DOCK1: variants seen among roughly 807,000 people sequenced by gnomAD.
The protein encoded by DOCK1 is dedicator of cytokinesis protein 1.
In DOCK1, 138 loss-of-function variants were observed where a neutral mutation model predicts 262.7. That is an observed-to-expected ratio of 0.53 (90% CI 0.46 to 0.61). The LOEUF is 0.61. DOCK1 is among the 20% of genes least tolerant of loss of function. The pLI, the probability that DOCK1 is intolerant of heterozygous loss-of-function variation, is 0.00. For missense variants in DOCK1, 1,908 were observed against 2,370.7 expected (o/e 0.80, Z 4.05); for synonymous variants, 866 against 867.4 (o/e 1.00, Z 0.03).
intron 1 of DOCK1, among the ~76,000 whole-genome samples, chr10:126,951,422 G>T (rs1250149305): frequency 1.3e-5 from 2 of 151,382 alleles, no homozygotes; most frequent in Non-Finnish European, 2.9e-5. Flanking sequence ...AGTGATAGTG[G>T]TGGTGGTAGT....
chr10:126,908,041 G>A (rs1377191311), intron 1 of DOCK1, among the ~76,000 whole-genome samples: 1 of 152,050 alleles, frequency 6.6e-6, no homozygotes, highest in Non-Finnish European at 1.5e-5. Context: ...CTCACTGGGT[G>A]CAGATGACAG....
intron 51 of DOCK1, among the ~76,000 whole-genome samples, chr10:127,449,371 T>C (rs1402366394): frequency 6.7e-6 from 1 of 149,870 alleles, no homozygotes; most frequent in African/African-American, 2.5e-5. Flanking sequence ...AACTGAAAAT[T>C]CTAAACTTAG....
At chr10:127,362,355 C>A in intron 33 of DOCK1, 143 bp downstream of exon 33, 1 of 1,023,228 alleles carries the variant, frequency 9.8e-7, no homozygotes, top group Non-Finnish European at 1.3e-6. Context: ...AGAGAAAAAG[C>A]CTATGATTTT....
At chr10:127,073,039 C>T (rs1448516283) in intron 23 of DOCK1, among the ~76,000 whole-genome samples, 1 of 152,210 alleles carries the variant, frequency 6.6e-6, no homozygotes, top group East Asian at 1.9e-4. Flanking sequence ...ATCTGCACTT[C>T]ACTTACGATG....
Position 127,302,741 on chromosome 10 carries a change from G to GTGTGTGT in DOCK1, c.3045-36265_3045-36264insTGTGTGT, listed in dbSNP as rs1554944046. ...CTTTTCCTAACTCTGGAAAAGAGGG[G>GTGTGTGT]GTGTGTGTGTGTGTGTGTGTGTGTG... On this transcript the variant is annotated intron_variant, in intron 29 of 51. Coordinates refer to ENST00000623213, the MANE Select transcript of DOCK1 (RefSeq NM_001290223.2). 2.4e-3 allele frequency among the ~76,000 whole-genome samples: 263 copies of GTGTGTGT among 108,156 alleles called. 3 individuals carry two copies. The highest frequency in any genetic ancestry group is 7.9e-3 in the East Asian group (28 of 3,542). The allele number at this position is 108,156 out of a possible 152,430, so 71.0% of individuals were successfully genotyped here. A position where few individuals can be genotyped will look rare whatever the true frequency, so the allele number is the denominator to read the frequency against.
chr10:126,949,787 T>C (rs2036028813), intron 1 of DOCK1, among the ~76,000 whole-genome samples: 1 of 152,128 alleles, frequency 6.6e-6, no homozygotes, highest in Non-Finnish European at 1.5e-5. Context: ...TGATATTTCT[T>C]GTGACTTTTG....
chr10:127,213,191 AGAG>A (rs1252174951), intron 27 of DOCK1, among the ~76,000 whole-genome samples: 3 of 152,234 alleles, frequency 2.0e-5, no homozygotes, highest in East Asian at 3.8e-4. Context: ...TGGGAAGGGA[AGAG>A]AGAGAAAAAT....
At chr10:127,421,556 G>A (rs766288013) in intron 46 of DOCK1, among the ~76,000 whole-genome samples, 4 of 152,124 alleles carry the variant, frequency 2.6e-5, no homozygotes, top group Non-Finnish European at 4.4e-5. Flanking sequence ...AACCAGCACC[G>A]CCACCATCCA....
chr10:127,291,204 C>T (rs1415441004), intron 29 of DOCK1, among the ~76,000 whole-genome samples: 3 of 152,182 alleles, frequency 2.0e-5, no homozygotes, highest in South Asian at 2.1e-4. Flanking sequence ...AGAGGCTCAC[C>T]GTGCTTAAGT....
chr10:127,230,072 T>C (rs1037894807), intron 27 of DOCK1, among the ~76,000 whole-genome samples: 6 of 152,238 alleles, frequency 3.9e-5, no homozygotes, highest in Non-Finnish European at 8.8e-5. Flanking sequence ...ATGTACTAAA[T>C]ATGTCTGTCC....
intron 23 of DOCK1, among the ~76,000 whole-genome samples, chr10:127,103,341 G>A (rs1221691844): frequency 6.6e-6 from 1 of 152,132 alleles, no homozygotes; most frequent in African/African-American, 2.4e-5. Flanking sequence ...TTAATCGTAG[G>A]ACCGCCAAAA....
chr10:127,203,425 T>C (rs185225991), intron 27 of DOCK1, among the ~76,000 whole-genome samples: 4 of 152,248 alleles, frequency 2.6e-5, no homozygotes, highest in African/African-American at 7.2e-5. Context: ...TTTTGCTAGT[T>C]TGGTCTAAGA....
Position 127,023,253 on chromosome 10 carries a change from G to C in DOCK1, c.1381G>C (p.Gly461Arg). 6.2e-7 allele frequency: 1 copy of C among 1,613,930 alleles called. No individual in the cohort carries two copies. The highest frequency in any genetic ancestry group is 2.2e-5 in the East Asian group (1 of 44,874). ...VTLVQGDFDK[G>R]SKTTAKNVEV... ...ATTAGTTCAAGGAGATTTTGATAAA[G>C]GAAGCAAAACAACAGCGAAGAACGT... is the stretch of plus-strand genomic sequence containing the variant. Residue 461 changes from glycine (G) to arginine (R), a missense_variant, in exon 14 of 52, where the codon GGA becomes CGA. Coordinates refer to ENST00000623213, the MANE Select transcript of DOCK1 (RefSeq NM_001290223.2).
intron 21 of DOCK1, among the ~76,000 whole-genome samples, chr10:127,046,835 C>T (rs2044382768): frequency 6.6e-6 from 1 of 150,890 alleles, no homozygotes; most frequent in Non-Finnish European, 1.5e-5. Flanking sequence ...TCCATAATTG[C>T]AGTGAAGGTT....
At chr10:127,089,187 C>G (rs976387856) in intron 23 of DOCK1, among the ~76,000 whole-genome samples, 2 of 152,180 alleles carry the variant, frequency 1.3e-5, no homozygotes, top group Non-Finnish European at 2.9e-5. Context: ...AGTGCCTTGT[C>G]CCTGGACCCC....
chr10:127,190,771 A>G (rs551325598), intron 27 of DOCK1, among the ~76,000 whole-genome samples: 3 of 142,596 alleles, frequency 2.1e-5, no homozygotes, highest in African/African-American at 7.9e-5. Flanking sequence ...CCTTCTTTCT[A>G]TCTTGCCACA....
chr10:126,967,770 C>T (rs1337765157), intron 1 of DOCK1, among the ~76,000 whole-genome samples: 2 of 152,122 alleles, frequency 1.3e-5, no homozygotes, highest in African/African-American at 2.4e-5. Context: ...TACATTGGGC[C>T]CACCTGGATT....
chr10:126,952,047 A>G (rs1038452682), intron 1 of DOCK1, among the ~76,000 whole-genome samples: 2 of 151,934 alleles, frequency 1.3e-5, no homozygotes, highest in African/African-American at 4.8e-5. Flanking sequence ...ATGGGATTTC[A>G]CCATGTTGGC....
At chr10:126,964,370 G>C (rs1307464108) in intron 1 of DOCK1, among the ~76,000 whole-genome samples, 1 of 152,170 alleles carries the variant, frequency 6.6e-6, no homozygotes, top group Non-Finnish European at 1.5e-5. Context: ...GAAATGCAAG[G>C]TACCTGCATG....
Sources: allele counts gnomAD v4.1 joint callset (sites outside exome capture counted in the v4.1 genomes callset), GRCh38; gene constraint gnomAD v4.1.1; transcripts MANE v1.5; gene names NCBI Gene and HGNC (gene_info 2026-07-23, HGNC 2026-07-21).